Variants in DIAPH3 observed in about 807,000 individuals in gnomAD.
DIAPH3 encodes the protein protein diaphanous homolog 3.
A neutral mutation model predicts 144.3 loss-of-function variants in DIAPH3; 117 were observed. That is an observed-to-expected ratio of 0.81 (90% CI 0.70 to 0.95). DIAPH3 has a LOEUF of 0.95. Ranked by LOEUF, DIAPH3 falls within the 40% of genes least tolerant of loss-of-function variation. DIAPH3 has a pLI of 0.00. For missense variants in DIAPH3, 1,421 were observed against 1,412.7 expected (o/e 1.01, Z -0.09); for synonymous variants, 519 against 488.9 (o/e 1.06, Z -0.81).
At chr13:60,105,271 C>T (rs1165925745) in intron 3 of DIAPH3, among the ~76,000 whole-genome samples, 1 of 152,092 alleles carries the variant, frequency 6.6e-6, no homozygotes, top group East Asian at 1.9e-4. Context: ...ACCTTTTCTA[C>T]AGAAGAAAAT....
At position 59,810,910 on chromosome 13, in the gene DIAPH3, T is replaced by C; in HGVS notation, c.3041A>G (p.Glu1014Gly). 1 of 1,494,512 alleles carries C rather than the reference T, an allele frequency of 6.7e-7. No homozygotes were observed. Among genetic ancestry groups the C allele is most frequent in the Non-Finnish European group, 8.9e-7 (1 of 1,126,690 alleles). The allele number at this position is 1,494,512 out of a possible 1,614,324, so 92.6% of individuals were successfully genotyped here. The change falls in exon 25 of 28, where the codon GAG (glutamate) becomes GGG (glycine). Residue 1014 changes from glutamate (E) to glycine (G), a missense_variant. Physicochemically the swap from Glu to Gly is moderately conservative, Grantham distance 98. Coordinates refer to ENST00000400324, the MANE Select transcript of DIAPH3 (RefSeq NM_001042517.2). ...FRTTFMQAIK[E>G]NIKKREAEEK... Reference sequence around the variant, plus strand: ...CTCTGCTTCTCTTTTTTTGATATTCTCCTTTATTGCTTGCTAAAAAAATTT... The same window carrying C: ...CTCTGCTTCTCTTTTTTTGATATTCCCCTTTATTGCTTGCTAAAAAAATTT...
chr13:60,051,662 A>G (rs563508505), intron 4 of DIAPH3, among the ~76,000 whole-genome samples: 4 of 152,214 alleles, frequency 2.6e-5, no homozygotes, highest in South Asian at 2.1e-4. Flanking sequence ...ATGACAGAGG[A>G]TGTGCCCTAC....
At chr13:59,963,430 C>T (rs968432763) in intron 17 of DIAPH3, among the ~76,000 whole-genome samples, 3 of 152,104 alleles carry the variant, frequency 2.0e-5, no homozygotes, top group Non-Finnish European at 1.5e-5. Context: ...TTACTACTTA[C>T]TATATTATAC....
At chr13:59,714,772 G>A (rs1174377300) in intron 27 of DIAPH3, among the ~76,000 whole-genome samples, 1 of 152,096 alleles carries the variant, frequency 6.6e-6, no homozygotes, top group African/African-American at 2.4e-5. Context: ...CTAAGTTTTG[G>A]CTTTTTGATA....
intron 20 of DIAPH3, among the ~76,000 whole-genome samples, chr13:59,894,517 C>T (rs73543278): frequency 6.3e-4 from 96 of 151,264 alleles, no homozygotes; most frequent in African/African-American, 2.3e-3. Context: ...CAGACATAGT[C>T]CTTCCCAGGA....
intron 27 of DIAPH3, among the ~76,000 whole-genome samples, chr13:59,700,009 C>T (rs1008997622): frequency 6.6e-5 from 10 of 152,152 alleles, no homozygotes; most frequent in Non-Finnish European, 1.3e-4. Context: ...TTGCAAATCT[C>T]GGTTTCTATT....
chr13:59,705,200 T>C (rs2034349755), intron 27 of DIAPH3, among the ~76,000 whole-genome samples: 1 of 151,400 alleles, frequency 6.6e-6, no homozygotes, highest in African/African-American at 2.4e-5. Context: ...CAAAAAAAAA[T>C]AGGGATTAAA....
intron 21 of DIAPH3, among the ~76,000 whole-genome samples, chr13:59,871,604 C>T (rs572870227): frequency 2.0e-5 from 3 of 152,252 alleles, no homozygotes; most frequent in East Asian, 1.9e-4. Flanking sequence ...TTTCAAATGT[C>T]GCACCCAGCC....
At chr13:59,949,507 T>C (rs1456049913) in intron 17 of DIAPH3, among the ~76,000 whole-genome samples, 3 of 152,152 alleles carry the variant, frequency 2.0e-5, no homozygotes, top group African/African-American at 4.8e-5. Context: ...CTCAGTAATA[T>C]AACCAGGGTC....
intron 4 of DIAPH3, among the ~76,000 whole-genome samples, chr13:60,050,087 A>C (rs1327512587): frequency 1.3e-5 from 2 of 151,992 alleles, no homozygotes; most frequent in African/African-American, 4.8e-5. Context: ...CTAGATACTC[A>C]GGAGACTGAG....
At chr13:59,835,634 A>G (rs1235975221) in intron 23 of DIAPH3, among the ~76,000 whole-genome samples, 1 of 151,828 alleles carries the variant, frequency 6.6e-6, no homozygotes, top group Non-Finnish European at 1.5e-5. Context: ...CAAGAAAGAA[A>G]GAACAGAAGA....
rs1264502005 is a variant in DIAPH3, at chr13:60,117,684, CCTAAT to C, written c.214-5503_214-5499del. 3.3e-5 allele frequency among the ~76,000 whole-genome samples: 5 copies of C among 152,190 alleles called. No homozygotes were observed. The East Asian group carries it at 9.6e-4, about 29-fold the overall frequency. On this transcript the variant is annotated intron_variant, in intron 2 of 27. Transcript: ENST00000400324. ...TCCATTCACACATGGAAAAATCACT[CCTAAT>C]CTATCTTTGATGAAATTGCACACAC...
intron 21 of DIAPH3, among the ~76,000 whole-genome samples, chr13:59,866,849 T>C (rs1448719505): frequency 1.3e-5 from 2 of 151,850 alleles, no homozygotes; most frequent in South Asian, 2.1e-4. Context: ...AAAATGAATG[T>C]ATGAAGACAT....
rs137925897 is a variant in DIAPH3, at chr13:60,019,754, G to A, written c.627-3609C>T. 2.1e-3 allele frequency among the ~76,000 whole-genome samples: 315 copies of A among 152,266 alleles called. 3 individuals carry two copies. Among genetic ancestry groups the A allele is most frequent in the African/African-American group, 7.3e-3 (304 of 41,558 alleles). Reference sequence around the variant, plus strand: ...CAGGATGAAACTGAAAGTGTGTAAAGTGGTTTCTGACATGTTGTTGGCTTT... The same window carrying A: ...CAGGATGAAACTGAAAGTGTGTAAAATGGTTTCTGACATGTTGTTGGCTTT... On this transcript the variant is annotated intron_variant, in intron 5 of 27. Coordinates refer to ENST00000400324, the MANE Select transcript of DIAPH3 (RefSeq NM_001042517.2).
intron 2 of DIAPH3, 119 bp from the exon 3 acceptor site, chr13:60,112,305 G>T: frequency 2.5e-6 from 3 of 1,180,220 alleles, no homozygotes; most frequent in Non-Finnish European, 3.7e-6. Flanking sequence ...TTCATCAAGA[G>T]GCATTCAGCA....
At chr13:60,021,997 T>C (rs1174764158) in intron 5 of DIAPH3, among the ~76,000 whole-genome samples, 1 of 152,242 alleles carries the variant, frequency 6.6e-6, no homozygotes, top group Non-Finnish European at 1.5e-5. Flanking sequence ...TCATTAGAAT[T>C]ACAATTATTT....
chr13:59,843,002 AG>A (rs1382845912), intron 22 of DIAPH3, among the ~76,000 whole-genome samples: 1 of 152,108 alleles, frequency 6.6e-6, no homozygotes, highest in African/African-American at 2.4e-5. Context: ...CTCAATCTTC[AG>A]CCCCTCTCGC....
intron 21 of DIAPH3, among the ~76,000 whole-genome samples, chr13:59,871,143 T>C (rs942652804): frequency 4.7e-5 from 7 of 150,044 alleles, no homozygotes; most frequent in Non-Finnish European, 8.9e-5. Flanking sequence ...ATCTAAAACT[T>C]TGATATAATT....
At chr13:59,989,579 C>T (rs2051674676) in intron 12 of DIAPH3, among the ~76,000 whole-genome samples, 1 of 151,756 alleles carries the variant, frequency 6.6e-6, no homozygotes. Context: ...CATAGGTGAA[C>T]ATCAAATGTA....
Sources: gnomAD v4.1 joint callset for allele counts (sites outside exome capture counted in the v4.1 genomes callset) on GRCh38, gnomAD v4.1.1 for gene constraint, MANE v1.5 for transcripts, NCBI Gene and HGNC (gene_info 2026-07-23, HGNC 2026-07-21) for gene names.